The following HPSE2 variants were observed in gnomAD, a reference collection of about 807,000 sequenced individuals.
HPSE2 encodes inactive heparanase-2.
A neutral mutation model predicts 60.5 loss-of-function variants in HPSE2; 38 were observed. The ratio of observed to expected loss-of-function variants is 0.63; its 90% confidence interval spans 0.48 to 0.82. HPSE2 has a LOEUF of 0.82. Ranked by LOEUF, HPSE2 falls within the 40% of genes least tolerant of loss-of-function variation. HPSE2 has a pLI of 0.00. For missense variants in HPSE2, 713 were observed against 740.4 expected, an observed-to-expected ratio of 0.96 and a Z score of 0.43; for synonymous variants, 295 against 293.2, an observed-to-expected ratio of 1.01 and a Z score of -0.06.
the HPSE2 span, among the ~76,000 whole-genome samples, chr10:99,280,362 A>G: frequency 6.6e-6 from 1 of 152,206 alleles, no homozygotes; most frequent in African/African-American, 2.4e-5. Context: ...TACCACTGCA[A>G]CTTTTAAAGC....
intron 3 of HPSE2, among the ~76,000 whole-genome samples, chr10:98,917,678 A>T (rs1165113705): frequency 1.3e-5 from 2 of 152,246 alleles, no homozygotes; most frequent in Admixed American, 6.5e-5. Flanking sequence ...TATTATTATT[A>T]TTTTTCTCAT....
rs868148819 is a variant in HPSE2, at chr10:98,600,895, A to G, written c.1320+14009T>C. On this transcript the variant is annotated intron_variant, in intron 9 of 11. Transcript: ENST00000370552. ...TATATGTATATATACATATATACGT[A>G]TATATATGTGTGTGTGTATATATAT... 3.9e-3 allele frequency among the ~76,000 whole-genome samples: 268 copies of G among 69,334 alleles called. 3 individuals carry two copies. The highest frequency in any genetic ancestry group is 0.011 in the African/African-American group (259 of 24,066). The allele number at this position is 69,334 out of a possible 152,430, so 45.5% of individuals were successfully genotyped here. A position where few individuals can be genotyped will look rare whatever the true frequency, so the allele number is the denominator to read the frequency against.
intron 2 of HPSE2, among the ~76,000 whole-genome samples, chr10:99,201,227 A>T (rs1001016981): frequency 6.6e-6 from 1 of 152,172 alleles, no homozygotes; most frequent in Non-Finnish European, 1.5e-5. Context: ...TATCCAGATC[A>T]AATCAATTAC....
At chr10:98,626,361 T>A (rs1946215168) in intron 7 of HPSE2, among the ~76,000 whole-genome samples, 1 of 152,222 alleles carries the variant, frequency 6.6e-6, no homozygotes, top group African/African-American at 2.4e-5. Context: ...TTGTAGACTT[T>A]ACAAATTTTT....
At chr10:99,059,979 A>T (rs905157400) in intron 3 of HPSE2, among the ~76,000 whole-genome samples, 1 of 152,122 alleles carries the variant, frequency 6.6e-6, no homozygotes, top group Non-Finnish European at 1.5e-5. Context: ...TAATAAAAAT[A>T]AAAACCTACA....
intron 2 of HPSE2, among the ~76,000 whole-genome samples, chr10:99,167,060 G>A (rs530442954): frequency 1.3e-5 from 2 of 152,010 alleles, no homozygotes; most frequent in African/African-American, 4.8e-5. Context: ...GCCCAGGCTG[G>A]AGTACTGTGG....
chr10:98,566,037 C>A (rs1236747735), intron 9 of HPSE2, among the ~76,000 whole-genome samples: 1 of 152,180 alleles, frequency 6.6e-6, no homozygotes, highest in Non-Finnish European at 1.5e-5. Flanking sequence ...CAAGACAAGA[C>A]CTTTTGCTGC....
At chr10:99,077,602 G>T (rs1308917360) in intron 3 of HPSE2, among the ~76,000 whole-genome samples, 2 of 151,614 alleles carry the variant, frequency 1.3e-5, no homozygotes, top group Admixed American at 1.3e-4. Context: ...GTATATGTGT[G>T]TGTATCGACT....
intron 3 of HPSE2, among the ~76,000 whole-genome samples, chr10:99,078,646 C>T (rs571419519): frequency 1.3e-5 from 2 of 152,108 alleles, no homozygotes; most frequent in South Asian, 4.2e-4. Flanking sequence ...GATGCAGGAC[C>T]CACAGATATG....
chr10:99,099,057 C>A (rs944080181), intron 3 of HPSE2, among the ~76,000 whole-genome samples: 2 of 152,170 alleles, frequency 1.3e-5, no homozygotes, highest in African/African-American at 2.4e-5. Context: ...CTACAGCTCC[C>A]AGCGTGAGTG....
At chr10:98,792,048 T>C (rs963370674) in intron 3 of HPSE2, among the ~76,000 whole-genome samples, 31 of 152,328 alleles carry the variant, frequency 2.0e-4, no homozygotes, top group African/African-American at 7.2e-4. Context: ...ATGCGCATTA[T>C]TATCTCTGCT....
intron 4 of HPSE2, among the ~76,000 whole-genome samples, chr10:98,735,316 G>T (rs947189754): frequency 2.8e-5 from 1 of 35,890 alleles, no homozygotes; most frequent in African/African-American, 1.1e-4. Flanking sequence ...CAGGTGCATA[G>T]AAGTCAAGAA....
chr10:98,727,950 C>A (rs1420907111), intron 4 of HPSE2, among the ~76,000 whole-genome samples: 4 of 152,004 alleles, frequency 2.6e-5, no homozygotes, highest in Non-Finnish European at 5.9e-5. Context: ...ATTCCATATG[C>A]AGCAAACTAT....
intron 3 of HPSE2, among the ~76,000 whole-genome samples, chr10:99,061,551 A>G (rs1184357920): frequency 6.6e-6 from 1 of 152,238 alleles, no homozygotes; most frequent in Non-Finnish European, 1.5e-5. Context: ...TTTAAGTAAC[A>G]TTTTACCTGT....
intron 3 of HPSE2, among the ~76,000 whole-genome samples, chr10:98,782,892 G>T (rs1472194069): frequency 7.8e-6 from 1 of 127,734 alleles, no homozygotes; most frequent in Non-Finnish European, 1.7e-5. Flanking sequence ...GGTTGAGTGG[G>T]TCTACTTCCC....
intron 9 of HPSE2, among the ~76,000 whole-genome samples, chr10:98,613,542 G>T (rs559876562): frequency 6.6e-6 from 1 of 152,332 alleles, no homozygotes; most frequent in South Asian, 2.1e-4. Flanking sequence ...TCTGCTCTGG[G>T]CTTGGAAGCT....
At chr10:98,504,813 C>A (rs963379798) in intron 9 of HPSE2, among the ~76,000 whole-genome samples, 1 of 151,412 alleles carries the variant, frequency 6.6e-6, no homozygotes, top group Admixed American at 6.6e-5. Flanking sequence ...AAAAAGCTAC[C>A]GTAATACCCA....
At chr10:98,662,407 A>G (rs1435679087) in intron 6 of HPSE2, among the ~76,000 whole-genome samples, 1 of 152,224 alleles carries the variant, frequency 6.6e-6, no homozygotes, top group African/African-American at 2.4e-5. Context: ...CCTTTACAGG[A>G]ACATGGATGG....
the HPSE2 span, among the ~76,000 whole-genome samples, chr10:99,295,392 C>T: frequency 6.6e-6 from 1 of 152,038 alleles, no homozygotes; most frequent in Admixed American, 6.6e-5. Flanking sequence ...ACTAAATAAC[C>T]ACTGATTTGG....
Sources: allele counts gnomAD v4.1 joint callset (sites outside exome capture counted in the v4.1 genomes callset), GRCh38; gene constraint gnomAD v4.1.1; transcripts MANE v1.5; gene names NCBI Gene and HGNC (gene_info 2026-07-23, HGNC 2026-07-21).